Variants in ACTN3 observed in about 807,000 individuals in gnomAD.
ACTN3 encodes actinin alpha 3.
In ACTN3, 91 loss-of-function variants were observed where a neutral mutation model predicts 119.6. That is an observed-to-expected ratio of 0.76 (90% CI 0.64 to 0.91). The LOEUF (loss-of-function observed/expected upper bound fraction) is 0.91. Ranked by LOEUF, ACTN3 falls within the 40% of genes least tolerant of loss-of-function variation. ACTN3 has a pLI of 0.00. For missense variants in ACTN3, 1,221 were observed against 1,215.1 expected (o/e 1.00, Z -0.07); for synonymous variants, 456 against 478.8 (o/e 0.95, Z 0.62).
chr11:66,551,729 T>G, intron 3 of ACTN3, 82 bp downstream of exon 3: 1 of 1,569,246 alleles, frequency 6.4e-7, no homozygotes. Context: ...GAGCCTCAGT[T>G]TCCTCATCTC....
In ACTN3 at chr11:66,555,196, CA is replaced by C; in HGVS notation, c.627del (p.Lys209AsnfsTer11). 1 of 1,614,036 alleles carries C rather than the reference CA, an allele frequency of 6.2e-7. No individual in the cohort carries two copies. Among genetic ancestry groups the C allele is most frequent in the Non-Finnish European group, 8.5e-7 (1 of 1,179,982 alleles). ...ACCGCCCTGACCTCATCGACTACGC[CA>C]AACTGCGAAAGGTAGAGGCCCCCAC... ...RHRPDLIDYA[K>X]LRKDDPIGNL... On this transcript the variant is annotated frameshift_variant, in exon 6 of 21. Transcript: ENST00000513398. LOFTEE classifies it high-confidence loss of function.
At chr11:66,549,034 G>A (rs1183359763) in intron 1 of ACTN3, among the ~76,000 whole-genome samples, 2 of 152,012 alleles carry the variant, frequency 1.3e-5, no homozygotes, top group East Asian at 1.9e-4. Flanking sequence ...GTTGCCCTCC[G>A]GATCAAATTT....
At chr11:66,554,935 T>C (rs1316235690) in intron 5 of ACTN3, among the ~76,000 whole-genome samples, 195 bp from the exon 6 acceptor site, 1 of 152,094 alleles carries the variant, frequency 6.6e-6, no homozygotes, top group Non-Finnish European at 1.5e-5. Flanking sequence ...AGCATGAGTG[T>C]GTGACGGAAT....
intron 2 of ACTN3, 45 bp downstream of exon 2, chr11:66,551,398 C>T: frequency 1.3e-6 from 2 of 1,573,602 alleles, no homozygotes; most frequent in South Asian, 2.3e-5. Context: ...GACCCAGGAA[C>T]ATCTGGACAG....
intron 4 of ACTN3, 79 bp from the exon 5 acceptor site, chr11:66,554,456 CA>C (rs574346914): frequency 0.12 from 102,662 of 824,484 alleles, no homozygotes; most frequent in South Asian, 0.19. Flanking sequence ...GACCCTGTCT[CA>C]AAAAAAAAAA....
intron 9 of ACTN3, 58 bp from the exon 10 acceptor site, chr11:66,557,641 G>C: frequency 6.5e-7 from 1 of 1,540,566 alleles, no homozygotes; most frequent in South Asian, 1.2e-5. Context: ...GAGAGGGGTG[G>C]GTGAGCTGGG....
Position 66,562,850 on chromosome 11 carries a change from GT to G in ACTN3, c.2444del (p.Val815GlyfsTer2), listed in dbSNP as rs1857817166. The G allele has an allele frequency of 6.2e-7, 1 of 1,613,768 alleles. No individual in the cohort carries two copies. On this transcript the variant is annotated frameshift_variant, in exon 20 of 21. Transcript: ENST00000513398. LOFTEE classifies it high-confidence loss of function. ...CATGGTGGACCCCAACGCAGCTGGG[GT>G]GGTGACCTTCCAGGCCTTCATAGAC... ...MTMVDPNAAGVVTFQAFIDFM... is the reference protein window; with the variant it reads ...MTMVDPNAAGXVTFQAFIDFM...
At chr11:66,546,740 C>G (rs1344306034), upstream of ACTN3, 3 of 1,535,714 alleles carry the variant, frequency 2.0e-6, no homozygotes, top group East Asian at 7.3e-5. Flanking sequence ...TCCACCCCGG[C>G]GCCCCCGAGT....
chr11:66,559,503 C>A, intron 12 of ACTN3, 117 bp downstream of exon 12: 2 of 1,100,072 alleles, frequency 1.8e-6, no homozygotes, highest in Non-Finnish European at 2.5e-6. Flanking sequence ...GGTTCTGTAA[C>A]CCCGCCGTGG....
At position 66,557,935 on chromosome 11, in the gene ACTN3, C is replaced by T; in HGVS notation, c.1128+6C>T. ...CCGAGGGCAAGCTGGTCTCGGTGAG[C>T]TCTACACACATTCCCTAGGTGACCT... On this transcript the variant is annotated splice_donor_region_variant and intron_variant, in intron 10 of 20. Coordinates refer to ENST00000513398, the MANE Select transcript of ACTN3 (RefSeq NM_001104.4). 2 of 1,530,104 alleles carry T rather than the reference C, an allele frequency of 1.3e-6. No individual in the cohort carries two copies. The highest frequency in any genetic ancestry group is 1.7e-4 in the Middle Eastern group (1 of 5,736). 94.8% of individuals were successfully genotyped at this position (1,530,104 alleles called of 1,614,324 possible).
chr11:66,560,602 G>T lies in ACTN3; in HGVS notation c.1707G>T (p.Lys569Asn). The part of the protein sequence containing the change: ...QSLLTAHDQF[K>N]ATLPEADRER... ...TGCTGACAGCGCACGATCAGTTCAAGGCAACACTGCCCGAGGCTGACCGAG... is the reference window on the plus strand; with the variant it reads ...TGCTGACAGCGCACGATCAGTTCAATGCAACACTGCCCGAGGCTGACCGAG... The change falls in exon 15 of 21, where the codon AAG (lysine) becomes AAT (asparagine). Residue 569 changes from lysine (K) to asparagine (N), a missense_variant. Physicochemically the swap from Lys to Asn is moderately conservative, Grantham distance 94. Around this residue, in one of 3 missense-constraint regions of ACTN3, gnomAD observed 934 missense variants for 899.9 expected, o/e 1.04. Coordinates refer to ENST00000513398, the MANE Select transcript of ACTN3 (RefSeq NM_001104.4). The T allele has an allele frequency of 6.2e-7, 1 of 1,613,416 alleles. No homozygotes were observed. The highest frequency in any genetic ancestry group is 8.5e-7 in the Non-Finnish European group (1 of 1,179,844).
At chr11:66,553,557 A>C (rs1476252548) in intron 3 of ACTN3, among the ~76,000 whole-genome samples, 2 of 151,032 alleles carry the variant, frequency 1.3e-5, no homozygotes, top group African/African-American at 4.9e-5. Context: ...CCATGGGAAA[A>C]AATTATAATA....
Position 66,562,092 on chromosome 11 carries a change from TACTGACCCGAGACGCCAAGGG to T in ACTN3, c.2252_2272del (p.Thr751_Leu757del), listed in dbSNP as rs918326608. ...ACCATCAATGAAGTGGAGAACCAGGTACTGACCCGAGACGCCAAGGGACTGAGCCAGGAGCAGCTCAACGAG... is the reference window on the plus strand; with the variant it reads ...ACCATCAATGAAGTGGAGAACCAGGTACTGAGCCAGGAGCAGCTCAACGAG... On this transcript the variant is annotated inframe_deletion, in exon 18 of 21. Transcript: ENST00000513398. The T allele has an allele frequency of 6.2e-7, 1 of 1,613,860 alleles. No individual in the cohort carries two copies. The highest frequency in any genetic ancestry group is 1.3e-5 in the African/African-American group (1 of 75,022).
intron 11 of ACTN3, chr11:66,558,913 T>C (rs1040656801): frequency 2.1e-5 from 6 of 284,370 alleles, no homozygotes; most frequent in Admixed American, 1.0e-4. Context: ...AGGATTTCTG[T>C]AGTGAACAAA....
rs532326834 is a variant in ACTN3 at position 66,554,604 on chromosome 11, G to A, written c.538G>A (p.Val180Met). The A allele has an allele frequency of 6.6e-5, 106 of 1,612,088 alleles. No homozygotes were observed. The South Asian group carries it at 1.0e-3, about 16-fold the overall frequency. ...GACAGCACCGTACCGCAACGTCAAC[G>A]TGCAGAACTTCCACACCAGGTCTGT... is the stretch of plus-strand genomic sequence containing the variant. Reference protein sequence around the residue: ...RKTAPYRNVNVQNFHTSWKDG... With the variant: ...RKTAPYRNVNMQNFHTSWKDG... The change falls in exon 5 of 21, where the codon GTG (valine) becomes ATG (methionine). Residue 180 changes from valine to methionine, a missense_variant. Physicochemically the swap from Val to Met is conservative, Grantham distance 21. Around this residue, in one of 3 missense-constraint regions of ACTN3, gnomAD observed 48 missense variants for 83.4 expected, o/e 0.58. Coordinates refer to ENST00000513398, the MANE Select transcript of ACTN3 (RefSeq NM_001104.4).
In ACTN3 at chr11:66,560,278, C is replaced by T. The variant is rs372586045; in HGVS notation, c.1644C>T (p.Asp548=). ...WLDGAVEDLQ[D]VWLVHSVEET... is the part of the protein sequence containing the mutation. ...ATGGTGCCGTGGAGGACCTGCAGGACGTGTGGCTGGTACACTCTGTGGAGG... is the reference window on the plus strand; with the variant it reads ...ATGGTGCCGTGGAGGACCTGCAGGATGTGTGGCTGGTACACTCTGTGGAGG... The change falls in exon 14 of 21, where the codon GAC becomes GAT. Residue 548 remains aspartate, a synonymous_variant. Coordinates refer to ENST00000513398, the MANE Select transcript of ACTN3 (RefSeq NM_001104.4). The T allele has an allele frequency of 3.8e-5, 62 of 1,613,182 alleles. No individual in the cohort carries two copies. In the East Asian group the frequency reaches 6.2e-4, roughly 16 times the overall value.
chr11:66,546,622 A>G, upstream of ACTN3: 1 of 1,534,852 alleles, frequency 6.5e-7, no homozygotes, highest in Non-Finnish European at 8.7e-7. Context: ...CGGCCTTTCT[A>G]TTGTGGAGAG....
intron 9 of ACTN3, 24 bp from the exon 10 acceptor site, chr11:66,557,675 C>T: frequency 6.3e-7 from 1 of 1,593,668 alleles, no homozygotes; most frequent in Non-Finnish European, 8.5e-7. Context: ...AGCTGTCTGC[C>T]TTGCCCCTGC....
intron 3 of ACTN3, among the ~76,000 whole-genome samples, chr11:66,552,880 T>TCACACACA (rs4013815): frequency 1.7e-5 from 2 of 114,806 alleles, no homozygotes; most frequent in African/African-American, 6.7e-5. Flanking sequence ...TCTCTCTCTC[T>TCACACACA]CACACACACA....
Sources: gnomAD v4.1 joint callset for allele counts (sites outside exome capture counted in the v4.1 genomes callset) on GRCh38, gnomAD v4.1.1 for gene constraint, gnomAD v4.1.1 regional missense constraint, MANE v1.5 for transcripts, NCBI Gene and HGNC (gene_info 2026-07-23, HGNC 2026-07-21) for gene names.